METTL15: variants seen among roughly 807,000 people sequenced by gnomAD.
METTL15 encodes the protein 12S rRNA N(4)-cytidine methyltransferase METTL15.
METTL15 carries 34 observed loss-of-function variants against 38.3 expected under a neutral mutation model. The ratio of observed to expected loss-of-function variants is 0.89; its 90% confidence interval spans 0.68 to 1.18. METTL15 has a LOEUF of 1.18. Among genes scored for constraint, METTL15 ranks in the 50% most tolerant of loss-of-function variants. The pLI is 0.00. For synonymous variants in METTL15, 162 were observed against 170.9 expected, an observed-to-expected ratio of 0.95 and a Z score of 0.41; for missense variants, 438 against 498.4, an observed-to-expected ratio of 0.88 and a Z score of 1.15.
At chr11:28,193,323 G>T (rs1198267530) in intron 3 of METTL15, among the ~76,000 whole-genome samples, 1 of 152,078 alleles carries the variant, frequency 6.6e-6, no homozygotes, top group African/African-American at 2.4e-5. Flanking sequence ...TGGCTGGGGA[G>T]AACTCAGGAA....
intron 4 of METTL15, among the ~76,000 whole-genome samples, chr11:28,283,098 A>G (rs1427479735): frequency 6.6e-6 from 1 of 152,160 alleles, no homozygotes; most frequent in Non-Finnish European, 1.5e-5. Flanking sequence ...GCCTTTATTT[A>G]ATACTATTGG....
intron 5 of METTL15, among the ~76,000 whole-genome samples, chr11:28,411,038 T>C (rs1850719902): frequency 6.6e-6 from 1 of 152,018 alleles, no homozygotes; most frequent in East Asian, 1.9e-4. Context: ...GGAATAAATT[T>C]AACCAAGGAG....
chr11:28,382,842 A>G (rs1364842485), intron 5 of METTL15, among the ~76,000 whole-genome samples: 5 of 151,822 alleles, frequency 3.3e-5, no homozygotes, highest in Non-Finnish European at 2.9e-5. Flanking sequence ...TCTCAAAAAA[A>G]AAAAAAGAAA....
chr11:28,208,989 C>T (rs1852501260), intron 3 of METTL15, among the ~76,000 whole-genome samples: 1 of 151,850 alleles, frequency 6.6e-6, no homozygotes, highest in Admixed American at 6.6e-5. Flanking sequence ...CATTTGTCTG[C>T]CACTTTTTGG....
At chr11:28,273,918 C>T (rs946197363) in intron 4 of METTL15, among the ~76,000 whole-genome samples, 4 of 152,012 alleles carry the variant, frequency 2.6e-5, no homozygotes, top group African/African-American at 9.7e-5. Context: ...GTCTAATCAC[C>T]AATCACCCTT....
chr11:28,328,205 T>A, intron 6 of METTL15: 1 of 1,586,756 alleles, frequency 6.3e-7, no homozygotes, highest in East Asian at 2.3e-5. Context: ...GATATGGACA[T>A]CATGTTCCTG....
intron 4 of METTL15, among the ~76,000 whole-genome samples, chr11:28,256,908 T>C (rs549865582): frequency 2.2e-4 from 33 of 152,276 alleles, no homozygotes; most frequent in Admixed American, 2.1e-3. Context: ...GTTTCCATTA[T>C]AATTTGTTTC....
intron 4 of METTL15, among the ~76,000 whole-genome samples, chr11:28,225,212 G>T (rs1418484163): frequency 6.6e-6 from 1 of 151,350 alleles, no homozygotes; most frequent in Non-Finnish European, 1.5e-5. Context: ...TACAGTTTTG[G>T]CTGTATTATC....
At chr11:28,408,548 TTAA>T (rs981762518) in intron 5 of METTL15, among the ~76,000 whole-genome samples, 5 of 152,124 alleles carry the variant, frequency 3.3e-5, no homozygotes, top group African/African-American at 4.8e-5. Flanking sequence ...AAAAAAATAG[TTAA>T]TAATAATTGG....
chr11:28,456,349 G>C (rs1399177614), intron 6 of METTL15, among the ~76,000 whole-genome samples: 1 of 152,054 alleles, frequency 6.6e-6, no homozygotes. Context: ...AGCAACACTT[G>C]AGCTTCTCTT....
At chr11:28,396,013 A>T (rs1183310117) in intron 5 of METTL15, among the ~76,000 whole-genome samples, 1 of 152,206 alleles carries the variant, frequency 6.6e-6, no homozygotes, top group African/African-American at 2.4e-5. Flanking sequence ...TTGTCTCAAT[A>T]GACGCAGAAA....
chr11:28,295,073 A>T (rs1856681155), intron 5 of METTL15, among the ~76,000 whole-genome samples: 1 of 152,096 alleles, frequency 6.6e-6, no homozygotes, highest in South Asian at 2.1e-4. Flanking sequence ...CAAATAGGTC[A>T]GTTTTAGCAG....
intron 4 of METTL15, among the ~76,000 whole-genome samples, chr11:28,246,472 A>G (rs1434090579): frequency 6.6e-6 from 1 of 152,164 alleles, no homozygotes; most frequent in African/African-American, 2.4e-5. Context: ...CTGAGACATT[A>G]GGAGTGCAGT....
intron 3 of METTL15, among the ~76,000 whole-genome samples, chr11:28,173,218 A>G (rs1443726128): frequency 6.6e-6 from 1 of 152,144 alleles, no homozygotes; most frequent in East Asian, 1.9e-4. Context: ...ACAAATTCAT[A>G]TGTTGCAATT....
chr11:28,193,621 A>G (rs1021387884), intron 3 of METTL15, among the ~76,000 whole-genome samples: 1 of 152,212 alleles, frequency 6.6e-6, no homozygotes, highest in African/African-American at 2.4e-5. Context: ...CCCCCATTCC[A>G]TAATTGTTTA....
At chr11:28,208,670 AC>A in intron 3 of METTL15, among the ~76,000 whole-genome samples, 1 of 151,968 alleles carries the variant, frequency 6.6e-6, no homozygotes. Context: ...ATCCTTGTTA[AC>A]TTTTTGTCTC....
At chr11:28,393,040 G>A (rs760915762) in intron 5 of METTL15, among the ~76,000 whole-genome samples, 1 of 152,130 alleles carries the variant, frequency 6.6e-6, no homozygotes, top group Non-Finnish European at 1.5e-5. Flanking sequence ...TGGCAAGGAT[G>A]TGGAGAAATT....
At chr11:28,221,730 T>C (rs1853233954) in intron 4 of METTL15, among the ~76,000 whole-genome samples, 2 of 152,204 alleles carry the variant, frequency 1.3e-5, no homozygotes, top group Non-Finnish European at 2.9e-5. Flanking sequence ...GATGGGGTTT[T>C]GGTGTGGATG....
chr11:28,396,166 C>A (rs1187049399), intron 5 of METTL15, among the ~76,000 whole-genome samples: 2 of 152,154 alleles, frequency 1.3e-5, no homozygotes, highest in Non-Finnish European at 2.9e-5. Context: ...TGGAAGCATT[C>A]CCTTTGCAAA....
Sources: gnomAD v4.1 joint callset for allele counts (sites outside exome capture counted in the v4.1 genomes callset) on GRCh38, gnomAD v4.1.1 for gene constraint, MANE v1.5 for transcripts, NCBI Gene and HGNC (gene_info 2026-07-23, HGNC 2026-07-21) for gene names.